DHX37: variants seen among roughly 807,000 people sequenced by gnomAD.
DHX37 encodes probable ATP-dependent RNA helicase DHX37.
DHX37 carries 52 observed loss-of-function variants against 134.3 expected under a neutral mutation model. That is an observed-to-expected ratio of 0.39 (90% CI 0.31 to 0.49). DHX37 has a LOEUF of 0.49. DHX37 is among the 20% of genes least tolerant of loss of function. The pLI, the probability that DHX37 is intolerant of heterozygous loss-of-function variation, is 0.93. For missense variants in DHX37, 1,344 were observed against 1,580.8 expected, an observed-to-expected ratio of 0.85 and a Z score of 2.54; for synonymous variants, 634 against 670.7, an observed-to-expected ratio of 0.95 and a Z score of 0.85.
Position 124,956,697 on chromosome 12 carries a change from A to G in DHX37, c.2447T>C (p.Leu816Pro). Residue 816 changes from leucine (L) to proline (P), a missense_variant, in exon 18 of 27, where the codon CTG (leucine) becomes CCG (proline). Around this residue, in one of 7 missense-constraint regions of DHX37, gnomAD observed 558 missense variants for 650.0 expected, o/e 0.86. Transcript: ENST00000308736. ...CCAGCCGCCAACCTCGCACCTGTCC[A>G]GCTCCTCAAACAGCTCCCGCACCGT... ...SMTVRELFEE[L>P]DRPAASDEEL... The G allele has an allele frequency of 6.4e-7, 1 of 1,565,598 alleles. No homozygotes were observed. The highest frequency in any genetic ancestry group is 1.2e-5 in the South Asian group (1 of 86,174).
At chr12:124,973,278 C>T (rs1466802898) in intron 6 of DHX37, among the ~76,000 whole-genome samples, 1 of 151,964 alleles carries the variant, frequency 6.6e-6, no homozygotes, top group Non-Finnish European at 1.5e-5. Context: ...TAGCCGGGCA[C>T]CTGCAATTCC....
intron 25 of DHX37, chr12:124,948,568 G>C (rs1489748551): frequency 2.4e-5 from 6 of 255,166 alleles, no homozygotes; most frequent in Non-Finnish European, 4.6e-5. Context: ...CTAACATGGT[G>C]AAACCCTAGC....
chr12:124,977,508 C>G lies in DHX37; in HGVS notation c.739-18G>C. ...CGTTCCTCCTGGAAGGAGAGGAAGT[C>G]AGCACTTAGGGAGCAGCAAGACTAT... On this transcript the variant is annotated intron_variant, in intron 4 of 26. Coordinates refer to ENST00000308736, the MANE Select transcript of DHX37 (RefSeq NM_032656.4). 1 of 1,580,108 alleles carries G rather than the reference C, an allele frequency of 6.3e-7. No individual in the cohort carries two copies. Among genetic ancestry groups the G allele is most frequent in the South Asian group, 1.2e-5 (1 of 85,302 alleles).
At chr12:124,952,824 C>T (rs1954001669) in intron 20 of DHX37, 1 of 320,152 alleles carries the variant, frequency 3.1e-6, no homozygotes. Context: ...TTCGAGGAGA[C>T]AGCCCTCCCC....
At position 124,980,547 on chromosome 12, in the gene DHX37, G is replaced by C; in HGVS notation, c.681C>G (p.Pro227=). ...AGACGGCGGGCTTAGCCAGGGCCCT[G>C]GGCAGTGGTGGGGCTGCAGCTGGAG... The part of the protein sequence containing the change: ...PPPPAAAPPL[P]RALAKPAVFI... The change falls in exon 4 of 27, where the codon CCC becomes CCG. Residue 227 remains proline (P), a synonymous_variant. Transcript: ENST00000308736. The surrounding 1 kb of genome is among the most constrained non-coding windows in gnomAD (Gnocchi z 5.3). 6.2e-7 allele frequency: 1 copy of C among 1,612,480 alleles called. No individual in the cohort carries two copies. Among genetic ancestry groups the C allele is most frequent in the Non-Finnish European group, 8.5e-7 (1 of 1,179,854 alleles).
Position 124,947,615 on chromosome 12 carries a change from G to C in DHX37, c.*187C>G. On this transcript the variant is annotated 3_prime_UTR_variant, in exon 27 of 27. Transcript: ENST00000308736. ...AGTTCAAAAAGTCACCCCCGGGCCA[G>C]ATGGCACGGGCGGCAGCACCCTTCA... is the stretch of plus-strand genomic sequence containing the variant. 1.5e-6 allele frequency: 1 copy of C among 689,022 alleles called. No homozygotes were observed. The highest frequency in any genetic ancestry group is 2.3e-6 in the Non-Finnish European group (1 of 432,252). 42.7% of individuals were successfully genotyped at this position (689,022 alleles called of 1,614,324 possible).
chr12:124,983,463 G>C (rs1235051123), intron 2 of DHX37, among the ~76,000 whole-genome samples: 2 of 145,208 alleles, frequency 1.4e-5, no homozygotes, highest in African/African-American at 2.5e-5. Flanking sequence ...GTATAGCACA[G>C]CGGGAAAGCA....
chr12:124,952,053 G>A (rs553491150), intron 21 of DHX37, among the ~76,000 whole-genome samples: 8 of 152,180 alleles, frequency 5.3e-5, no homozygotes, highest in East Asian at 3.9e-4. Context: ...AGGCTGTGGC[G>A]AGAAGGTTAT....
At position 124,980,416 on chromosome 12, in the gene DHX37, C is replaced by T. The variant is rs555440462; in HGVS notation, c.738+74G>A. 16 of 1,519,338 alleles carry T rather than the reference C, an allele frequency of 1.1e-5. No individual in the cohort carries two copies. The South Asian group carries it at 1.4e-4, about 14-fold the overall frequency. 94.1% of individuals were successfully genotyped at this position (1,519,338 alleles called of 1,614,324 possible). On this transcript the variant is annotated intron_variant, in intron 4 of 26. Coordinates refer to ENST00000308736, the MANE Select transcript of DHX37 (RefSeq NM_032656.4). The surrounding 1 kb of genome is among the most constrained non-coding windows in gnomAD (Gnocchi z 5.3). The stretch of plus-strand genomic sequence containing the variant: ...ACAGAGAAGGGATGCCCTTGCCCCA[C>T]TTCACCAGGACGCCCTCTGTGCGCC...
At position 124,949,081 on chromosome 12, in the gene DHX37, G is replaced by A. The variant is rs567382981; in HGVS notation, c.3291-900C>T. Among the ~76,000 whole-genome samples, 3 of 152,230 alleles carry A rather than the reference G, an allele frequency of 2.0e-5. No individual in the cohort carries two copies. The highest frequency in any genetic ancestry group is 4.1e-4 in the South Asian group (2 of 4,824). On this transcript the variant is annotated intron_variant, in intron 25 of 26. Transcript: ENST00000308736. The surrounding 1 kb of genome is among the most constrained non-coding windows in gnomAD (Gnocchi z 4.0). ...CCAGCCCAGTCGCACTCCACCCCCT[G>A]CCCACCGAGGCCTCACTCATGTCCT...
intron 8 of DHX37, 139 bp from the exon 9 acceptor site, chr12:124,969,107 C>T (rs1176754581): frequency 3.8e-6 from 3 of 798,528 alleles, no homozygotes; most frequent in Non-Finnish European, 6.0e-6. Context: ...GCCAAAGGCT[C>T]CTTGGAGAAA....
At chr12:124,970,992 A>G (rs1174112214) in intron 8 of DHX37, among the ~76,000 whole-genome samples, 1 of 152,198 alleles carries the variant, frequency 6.6e-6, no homozygotes, top group Non-Finnish European at 1.5e-5. Flanking sequence ...AGGCCTCATC[A>G]ACCAGCCCCA....
Position 124,950,445 on chromosome 12 carries a change from C to A in DHX37, c.3089G>T (p.Gly1030Val). ...GCTGGCCCGGTGACACAGCACCCGC[C>A]CCCGCTCGGGGCAGTATGTAGGGGC... ...EPAPTYCPERGRVLCHRASVF... is the reference protein window; with the variant it reads ...EPAPTYCPERVRVLCHRASVF... The change falls in exon 23 of 27, where the codon GGG becomes GTG. Residue 1030 changes from glycine to valine, a missense_variant. Transcript: ENST00000308736. The A allele has an allele frequency of 6.3e-7, 1 of 1,593,024 alleles. No homozygotes were observed. The highest frequency in any genetic ancestry group is 2.2e-5 in the East Asian group (1 of 44,626).
At chr12:124,964,274 G>T in intron 15 of DHX37, 120 bp downstream of exon 15, 1 of 1,480,682 alleles carries the variant, frequency 6.8e-7, no homozygotes, top group Admixed American at 2.4e-5. Flanking sequence ...AAGTCACAGG[G>T]GCCCGGCAGG....
At chr12:124,982,038 G>C (rs578160778) in intron 3 of DHX37, among the ~76,000 whole-genome samples, 1 of 151,452 alleles carries the variant, frequency 6.6e-6, no homozygotes, top group African/African-American at 2.4e-5. Flanking sequence ...CAGGAGAATC[G>C]CTTGAACCTG....
At chr12:124,972,656 C>T (rs920411459) in intron 6 of DHX37, 57 bp from the exon 7 acceptor site, 31 of 1,576,324 alleles carry the variant, frequency 2.0e-5, no homozygotes, top group African/African-American at 9.5e-5. Context: ...GCTGTCGCCA[C>T]GGGGCCACTA....
In DHX37 at chr12:124,986,167, TCTC is replaced by T. The variant is rs753113647; in HGVS notation, c.202_204del (p.Glu68del). The T allele has an allele frequency of 5.6e-6, 9 of 1,614,204 alleles. No individual in the cohort carries two copies. In the Admixed American group the frequency reaches 6.7e-5, roughly 12 times the overall value. On this transcript the variant is annotated inframe_deletion, in exon 2 of 27. Coordinates refer to ENST00000308736, the MANE Select transcript of DHX37 (RefSeq NM_032656.4). ...TTCTCCTTCTTGGTCAGAGGCTTCT[TCTC>T]CTTCTTCGACAGGGGAGGGGCTTTG... is the stretch of plus-strand genomic sequence containing the variant.
rs369701996 is a variant in DHX37 at position 124,949,616 on chromosome 12, G to A, written c.3290+370C>T. Among the ~76,000 whole-genome samples the A allele has an allele frequency of 6.6e-6, 1 of 152,332 alleles. No homozygotes were observed. Among genetic ancestry groups the A allele is most frequent in the South Asian group, 2.1e-4 (1 of 4,826 alleles). ...GCGTGTGACCTTATATGGAAAGAGG[G>A]TCACTGCAAATGTCATGAGTTAAGG... On this transcript the variant is annotated intron_variant, in intron 25 of 26. Coordinates refer to ENST00000308736, the MANE Select transcript of DHX37 (RefSeq NM_032656.4). This position sits in a 1 kb window ranked among gnomAD's most constrained non-coding sequence, Gnocchi z 4.0.
At position 124,988,936 on chromosome 12, in the gene DHX37, G is replaced by C. The variant is rs757893280; in HGVS notation, c.87C>G (p.Pro29=). The C allele has an allele frequency of 7.5e-7, 1 of 1,335,522 alleles. No homozygotes were observed. Among genetic ancestry groups the C allele is most frequent in the Non-Finnish European group, 9.7e-7 (1 of 1,033,236 alleles). 82.7% of individuals were successfully genotyped at this position (1,335,522 alleles called of 1,614,324 possible). A position where few individuals can be genotyped will look rare whatever the true frequency, so the allele number is the denominator to read the frequency against. The change falls in exon 1 of 27, where the codon CCC becomes CCG. Residue 29 remains proline, a synonymous_variant. Coordinates refer to ENST00000308736, the MANE Select transcript of DHX37 (RefSeq NM_032656.4). ...TCTTACCCTCCAGTTCCAGCTGCAC[G>C]GGGGGCGGCTCGGGGGGGCCCTTCG... ...GPSKGPPEPP[P]VQLELEDKDT...
Sources: allele counts gnomAD v4.1 joint callset (sites outside exome capture counted in the v4.1 genomes callset), GRCh38; gene constraint gnomAD v4.1.1; regional missense constraint gnomAD v4.1.1; non-coding constraint Gnocchi (gnomAD v3.1); transcripts MANE v1.5; gene names NCBI Gene and HGNC (gene_info 2026-07-23, HGNC 2026-07-21).